Variants in ZNF483 observed in about 807,000 individuals in gnomAD.
ZNF483 encodes the protein zinc finger protein HIT-10.
Under a neutral mutation model 28.6 loss-of-function variants are expected in ZNF483, and 9 were observed. The observed-to-expected ratio is 0.32, with a 90% CI of 0.19 to 0.55. The LOEUF (loss-of-function observed/expected upper bound fraction) is 0.55. Among genes scored for constraint, ZNF483 ranks in the 20% least tolerant of loss-of-function variants. The pLI, the probability that ZNF483 is intolerant of heterozygous loss-of-function variation, is 0.93. For missense variants in ZNF483, 675 were observed against 871.7 expected (o/e 0.77, Z 2.84); for synonymous variants, 322 against 306.2 (o/e 1.05, Z -0.54).
In ZNF483 at chr9:111,541,967, C is replaced by G; in HGVS notation, c.1032C>G (p.Asp344Glu). The change falls in exon 6 of 6, where the codon GAC (aspartate) becomes GAG (glutamate). Residue 344 changes from aspartate to glutamate, a missense_variant. Physicochemically the swap from Asp to Glu is conservative, Grantham distance 45. This residue lies in a region of ZNF483 where 525 missense variants were observed against 581.8 expected (regional missense o/e 0.90). Transcript: ENST00000309235. ...AGAAACCCTTCAGTTTTCATTCAGACCTTGTTCTGAACCGCAAGGAGAAAA... is the reference window on the plus strand; with the variant it reads ...AGAAACCCTTCAGTTTTCATTCAGAGCTTGTTCTGAACCGCAAGGAGAAAA... Reference protein sequence around the residue: ...ESKKPFSFHSDLVLNRKEKTA... With the variant: ...ESKKPFSFHSELVLNRKEKTA... The G allele has an allele frequency of 6.2e-7, 1 of 1,614,056 alleles. No homozygotes were observed. The highest frequency in any genetic ancestry group is 8.5e-7 in the Non-Finnish European group (1 of 1,180,004).
At position 111,546,173 on chromosome 9, in the gene ZNF483, A is replaced by G. The variant is rs2132267418; in HGVS notation, c.*3003A>G. Among the ~76,000 whole-genome samples the G allele has an allele frequency of 6.6e-6, 1 of 152,292 alleles. No individual in the cohort carries two copies. Among genetic ancestry groups the G allele is most frequent in the Non-Finnish European group, 1.5e-5 (1 of 67,994 alleles). ...GGCGAATAATGTCAAAGCATCTTTTATGTGCTCTTCAGCCATTCATGTATC... is the reference window on the plus strand; with the variant it reads ...GGCGAATAATGTCAAAGCATCTTTTGTGTGCTCTTCAGCCATTCATGTATC... On this transcript the variant is annotated 3_prime_UTR_variant, in exon 6 of 6. Coordinates refer to ENST00000309235, the MANE Select transcript of ZNF483 (RefSeq NM_133464.5).
intron 3 of ZNF483, among the ~76,000 whole-genome samples, chr9:111,533,367 A>C (rs1243649710): frequency 6.6e-6 from 1 of 152,208 alleles, no homozygotes; most frequent in Non-Finnish European, 1.5e-5. Context: ...AAAAACTTGC[A>C]TGCTATCCAA....
chr9:111,540,432 C>G (rs1187693560), intron 5 of ZNF483, among the ~76,000 whole-genome samples: 2 of 152,144 alleles, frequency 1.3e-5, no homozygotes, highest in Non-Finnish European at 2.9e-5. Flanking sequence ...TTAGTGAATT[C>G]AGAATTCTGA....
At position 111,547,272 on chromosome 9, in the gene ZNF483, C is replaced by A. The variant is rs1187994383; in HGVS notation, c.*4102C>A. ...ATTTTAAATTCCCACCAGCTATGTA[C>A]AAGGGTTTCAGTATCCCCGCCCTTG... On this transcript the variant is annotated 3_prime_UTR_variant, in exon 6 of 6. Coordinates refer to ENST00000309235, the MANE Select transcript of ZNF483 (RefSeq NM_133464.5). 1.3e-5 allele frequency among the ~76,000 whole-genome samples: 2 copies of A among 152,138 alleles called. No homozygotes were observed. The highest frequency in any genetic ancestry group is 4.8e-5 in the African/African-American group (2 of 41,454).
Position 111,543,316 on chromosome 9 carries a change from C to T in ZNF483, c.*146C>T, listed in dbSNP as rs1055188437. ...AATATCCTTTTGCCCATTCATCCCT[C>T]TTCTTTTCAAGGATGGCAACGACTG... is the stretch of plus-strand genomic sequence containing the variant. On this transcript the variant is annotated 3_prime_UTR_variant, in exon 6 of 6. Coordinates refer to ENST00000309235, the MANE Select transcript of ZNF483 (RefSeq NM_133464.5). 16 of 1,398,292 alleles carry T rather than the reference C, an allele frequency of 1.1e-5. No homozygotes were observed. The African/African-American group carries it at 2.0e-4, about 18-fold the overall frequency. The allele number at this position is 1,398,292 out of a possible 1,614,324, so 86.6% of individuals were successfully genotyped here.
rs1827216627 is a variant in ZNF483, at chr9:111,527,774, A to G, written c.379A>G (p.Ile127Val). ...PESSEEVVTL[I>V]EDLTQMLEEK... ...GAGTAGTGAGGAAGTGGTGACCCTAATAGAAGATTTGACCCAGATGCTTGA... is the reference window on the plus strand; with the variant it reads ...GAGTAGTGAGGAAGTGGTGACCCTAGTAGAAGATTTGACCCAGATGCTTGA... Residue 127 changes from isoleucine (I) to valine (V), a missense_variant, in exon 2 of 6, where the codon ATA (isoleucine) becomes GTA (valine). Physicochemically the swap from Ile to Val is conservative, Grantham distance 29 (BLOSUM62 3). Coordinates refer to ENST00000309235, the MANE Select transcript of ZNF483 (RefSeq NM_133464.5). 1.9e-6 allele frequency: 3 copies of G among 1,614,062 alleles called. No individual in the cohort carries two copies. Among genetic ancestry groups the G allele is most frequent in the African/African-American group, 2.7e-5 (2 of 74,930 alleles).
At chr9:111,568,605 C>T (rs1457700391) in intron 5 of ZNF483, among the ~76,000 whole-genome samples, 1 of 152,180 alleles carries the variant, frequency 6.6e-6, no homozygotes, top group East Asian at 1.9e-4. Flanking sequence ...TTGTGACCTA[C>T]TCCCTGTTCG....
At chr9:111,541,350 A>G (rs12336801) in intron 5 of ZNF483, among the ~76,000 whole-genome samples, 4,363 of 152,148 alleles carry the variant, frequency 0.029, 202 homozygotes, top group African/African-American at 0.097. Context: ...TGGCCTCCCA[A>G]AGTGCTGAGA....
rs1373677670 is a variant in ZNF483 at position 111,555,224 on chromosome 9, A to C, written c.*12054A>C. ...CCTATCAAGTTCTATTTGGCAAAAG[A>C]TAATGCCTCTCATTTCCTGTGGGAA... On this transcript the variant is annotated 3_prime_UTR_variant, in exon 6 of 6. Coordinates refer to ENST00000309235, the MANE Select transcript of ZNF483 (RefSeq NM_133464.5). 6.6e-6 allele frequency among the ~76,000 whole-genome samples: 1 copy of C among 152,214 alleles called. No individual in the cohort carries two copies. Among genetic ancestry groups the C allele is most frequent in the Non-Finnish European group, 1.5e-5 (1 of 68,046 alleles).
chr9:111,536,954 G>A (rs1827521969), intron 5 of ZNF483, among the ~76,000 whole-genome samples: 1 of 152,106 alleles, frequency 6.6e-6, no homozygotes, highest in African/African-American at 2.4e-5. Flanking sequence ...GTCTGAAATG[G>A]CAGACAATTG....
chr9:111,541,735 A>G lies in ZNF483; in HGVS notation c.800A>G (p.Tyr267Cys). The change falls in exon 6 of 6, where the codon TAT becomes TGT. Residue 267 changes from tyrosine (Y) to cysteine (C), a missense_variant. This residue lies in a region of ZNF483 where 525 missense variants were observed against 581.8 expected (regional missense o/e 0.90). Coordinates refer to ENST00000309235, the MANE Select transcript of ZNF483 (RefSeq NM_133464.5). ...DHGLMEESQQYCGSSEEDHGN... is the reference protein window; with the variant it reads ...DHGLMEESQQCCGSSEEDHGN... ...GGCTTGATGGAAGAATCCCAGCAAT[A>G]TTGTGGCAGCTCAGAGGAGGATCAC... 6.2e-7 allele frequency: 1 copy of G among 1,614,226 alleles called. No individual in the cohort carries two copies. The highest frequency in any genetic ancestry group is 8.5e-7 in the Non-Finnish European group (1 of 1,180,034).
At chr9:111,560,935 T>G (rs1215573194) in intron 5 of ZNF483, among the ~76,000 whole-genome samples, 1 of 105,676 alleles carries the variant, frequency 9.5e-6, no homozygotes, top group Non-Finnish European at 1.9e-5. Context: ...AGAGTGAGAC[T>G]CCATCTAAAA....
At chr9:111,525,410 G>C (rs183369870) in intron 1 of ZNF483, 148 bp downstream of exon 1, 3 of 152,488 alleles carry the variant, frequency 2.0e-5, no homozygotes, top group African/African-American at 7.2e-5. Flanking sequence ...TGCGCACTCC[G>C]CTGCGGGATG....
At chr9:111,528,182 T>C (rs897908167) in intron 2 of ZNF483, among the ~76,000 whole-genome samples, 2 of 152,220 alleles carry the variant, frequency 1.3e-5, no homozygotes, top group Non-Finnish European at 2.9e-5. Context: ...CCCTAATGCC[T>C]AGTTCCATTG....
At chr9:111,531,680 T>A (rs1032066918) in intron 3 of ZNF483, among the ~76,000 whole-genome samples, 1 of 152,116 alleles carries the variant, frequency 6.6e-6, no homozygotes. Context: ...CCGGCCTTGC[T>A]TTTTTTCTTT....
Position 111,533,802 on chromosome 9 carries a change from C to G in ZNF483, c.565C>G (p.Pro189Ala). The G allele has an allele frequency of 1.9e-6, 3 of 1,590,844 alleles. No homozygotes were observed. Among genetic ancestry groups the G allele is most frequent in the Non-Finnish European group, 2.6e-6 (3 of 1,173,404 alleles). Residue 189 changes from proline to alanine, a missense_variant, in exon 4 of 6, where the codon CCT becomes GCT. Around this residue, in one of 6 missense-constraint regions of ZNF483, gnomAD observed 525 missense variants for 581.8 expected, o/e 0.90. Transcript: ENST00000309235. ...AAGAGGAGAGTGGAAGAAGCTGGAG[C>G]CTTTTCAAAAGGAGCTATATAAGGA... ...FSRGEWKKLE[P>A]FQKELYKEVL...
chr9:111,543,188 A>G lies in ZNF483; in HGVS notation c.*18A>G. 1 of 1,564,752 alleles carries G rather than the reference A, an allele frequency of 6.4e-7. No individual in the cohort carries two copies. The highest frequency in any genetic ancestry group is 8.6e-7 in the Non-Finnish European group (1 of 1,157,014). On this transcript the variant is annotated 3_prime_UTR_variant, in exon 6 of 6. Coordinates refer to ENST00000309235, the MANE Select transcript of ZNF483 (RefSeq NM_133464.5). ...CAGAGTAATCCTGGAACTACATTAA[A>G]GTGGGGGGAATTTAATTCAAATTGT...
At chr9:111,560,335 G>A (rs1017183984), downstream of ZNF483, among the ~76,000 whole-genome samples, 3 of 151,804 alleles carry the variant, frequency 2.0e-5, no homozygotes, top group African/African-American at 4.8e-5. Flanking sequence ...TTAGCCAGGC[G>A]TGGTGGTGGG....
chr9:111,566,783 G>T (rs1251722852), intron 5 of ZNF483, among the ~76,000 whole-genome samples: 1 of 152,108 alleles, frequency 6.6e-6, no homozygotes, highest in Non-Finnish European at 1.5e-5. Context: ...CTTCATGGAG[G>T]TTACATCCTC....
Sources: allele counts gnomAD v4.1 joint callset (sites outside exome capture counted in the v4.1 genomes callset), GRCh38; gene constraint gnomAD v4.1.1; regional missense constraint gnomAD v4.1.1; transcripts MANE v1.5; gene names NCBI Gene and HGNC (gene_info 2026-07-23, HGNC 2026-07-21).